Variants in MFSD8 observed in about 807,000 individuals in gnomAD.
MFSD8 encodes the protein major facilitator superfamily domain-containing protein 8.
A neutral mutation model predicts 66.4 loss-of-function variants in MFSD8; 55 were observed. The ratio of observed to expected loss-of-function variants is 0.83; its 90% confidence interval spans 0.67 to 1.04. The LOEUF (loss-of-function observed/expected upper bound fraction) is 1.04. MFSD8 is among the 50% of genes least tolerant of loss of function. The pLI, the probability that MFSD8 is intolerant of heterozygous loss-of-function variation, is 0.00. For missense variants in MFSD8, 550 were observed against 627.6 expected (o/e 0.88, Z 1.32); for synonymous variants, 202 against 212.8 (o/e 0.95, Z 0.44).
intron 9 of MFSD8, among the ~76,000 whole-genome samples, chr4:127,927,253 G>A (rs1285400171): frequency 2.0e-5 from 3 of 151,266 alleles, no homozygotes; most frequent in Non-Finnish European, 4.4e-5. Flanking sequence ...ATGGCTCATT[G>A]CAACCTCCAC....
chr4:127,931,192 G>A (rs1738066352), intron 8 of MFSD8, among the ~76,000 whole-genome samples: 2 of 152,060 alleles, frequency 1.3e-5, no homozygotes, highest in East Asian at 1.9e-4. Flanking sequence ...ATGCAATAAT[G>A]TTATATTAAG....
chr4:127,953,078 G>T (rs193052786), intron 2 of MFSD8, among the ~76,000 whole-genome samples: 14 of 152,122 alleles, frequency 9.2e-5, no homozygotes, highest in Non-Finnish European at 1.9e-4. Context: ...TTCTATTCAG[G>T]TATCCATACT....
At chr4:127,964,598 C>G (rs908484275) in intron 1 of MFSD8, 3 of 182,754 alleles carry the variant, frequency 1.6e-5, no homozygotes, top group Admixed American at 5.8e-5. Context: ...CGCGCAGCCC[C>G]GGTTCCCGCT....
intron 9 of MFSD8, among the ~76,000 whole-genome samples, chr4:127,923,934 T>G (rs889263867): frequency 6.6e-6 from 1 of 152,096 alleles, no homozygotes; most frequent in African/African-American, 2.4e-5. Flanking sequence ...TCAGGGATAT[T>G]GGCCTTAAAT....
downstream of MFSD8, chr4:127,917,784 A>G (rs1408061838): frequency 1.3e-5 from 2 of 152,214 alleles, no homozygotes; most frequent in African/African-American, 2.4e-5. Context: ...AGACGACTGA[A>G]TAAAGTTTTA....
At chr4:127,956,003 C>G (rs1742796429) in intron 2 of MFSD8, among the ~76,000 whole-genome samples, 2 of 152,012 alleles carry the variant, frequency 1.3e-5, no homozygotes, top group Non-Finnish European at 2.9e-5. Flanking sequence ...CCTGTAGTCC[C>G]AGCTACTCGG....
intron 5 of MFSD8, 54 bp from the exon 6 acceptor site, chr4:127,940,051 A>C (rs1344600975): frequency 6.7e-7 from 1 of 1,483,200 alleles, no homozygotes; most frequent in East Asian, 2.3e-5. Flanking sequence ...GCATAGGATA[A>C]AAAAATGAAA....
At chr4:127,922,821 A>G (rs1051881609) in intron 9 of MFSD8, among the ~76,000 whole-genome samples, 3 of 152,180 alleles carry the variant, frequency 2.0e-5, no homozygotes, top group Non-Finnish European at 4.4e-5. Flanking sequence ...TATTCTAGCA[A>G]ATAAATAAAG....
intron 1 of MFSD8, among the ~76,000 whole-genome samples, chr4:127,959,382 C>T (rs191402944): frequency 6.6e-6 from 1 of 151,866 alleles, no homozygotes; most frequent in East Asian, 1.9e-4. Context: ...GCATATGGCT[C>T]CTGGTTTTTT....
intron 4 of MFSD8, among the ~76,000 whole-genome samples, chr4:127,942,376 T>C (rs766932219): frequency 2.0e-5 from 3 of 152,046 alleles, no homozygotes; most frequent in Non-Finnish European, 4.4e-5. Context: ...CAGTTAAAGA[T>C]ATCAATGAGT....
At chr4:127,932,919 A>C in intron 8 of MFSD8, 66 bp downstream of exon 8, 1 of 1,419,128 alleles carries the variant, frequency 7.0e-7, no homozygotes, top group South Asian at 1.2e-5. Context: ...ATGCCTAATT[A>C]ACATTGCATT....
intron 3 of MFSD8, among the ~76,000 whole-genome samples, chr4:127,948,356 G>A (rs578229814): frequency 6.6e-6 from 1 of 152,274 alleles, no homozygotes; most frequent in Non-Finnish European, 1.5e-5. Flanking sequence ...GGGGTGGGGT[G>A]AGTGGGGAGA....
intron 1 of MFSD8, among the ~76,000 whole-genome samples, chr4:127,960,199 T>C (rs1743511460): frequency 6.6e-6 from 1 of 152,120 alleles, no homozygotes; most frequent in Non-Finnish European, 1.5e-5. Flanking sequence ...ATACACAATA[T>C]AGTGGAGTGA....
intron 7 of MFSD8, among the ~76,000 whole-genome samples, chr4:127,938,281 C>T (rs550511230): frequency 6.6e-6 from 1 of 151,926 alleles, no homozygotes; most frequent in Non-Finnish European, 1.5e-5. Flanking sequence ...ACCAAATAAC[C>T]AATATGGGTA....
rs751643210 is a variant in MFSD8, at chr4:127,920,597, C to T, written c.*33G>A. ...GAGCTTTAGACCAGGAAGTGCCACA[C>T]AGCAAGTAGTTTCCATCACAGTCTT... On this transcript the variant is annotated 3_prime_UTR_variant, in exon 12 of 12. Transcript: ENST00000641686. 1 of 1,608,774 alleles carries T rather than the reference C, an allele frequency of 6.2e-7. No homozygotes were observed. The highest frequency in any genetic ancestry group is 8.5e-7 in the Non-Finnish European group (1 of 1,175,818).
chr4:127,925,366 AAT>A (rs1239823450), intron 9 of MFSD8, among the ~76,000 whole-genome samples: 4 of 152,336 alleles, frequency 2.6e-5, no homozygotes, highest in African/African-American at 9.6e-5. Flanking sequence ...TAATATCCAG[AAT>A]CTACAAGGAA....
intron 1 of MFSD8, among the ~76,000 whole-genome samples, chr4:127,962,857 C>T (rs977981459): frequency 6.6e-6 from 1 of 152,110 alleles, no homozygotes; most frequent in South Asian, 2.1e-4. Context: ...TTTAGTAAAT[C>T]GAGGACCAGA....
intron 9 of MFSD8, among the ~76,000 whole-genome samples, chr4:127,923,859 C>T (rs1296035791): frequency 6.6e-6 from 1 of 151,994 alleles, no homozygotes; most frequent in Non-Finnish European, 1.5e-5. Context: ...AGATTACAGG[C>T]GTGAGCCACC....
At chr4:127,949,921 G>T in intron 2 of MFSD8, 74 bp from the exon 3 acceptor site, 1 of 1,335,712 alleles carries the variant, frequency 7.5e-7, no homozygotes, top group Non-Finnish European at 1.0e-6. Context: ...TTTCTGAACC[G>T]TGGCATGGAT....
Sources: allele counts gnomAD v4.1 joint callset (sites outside exome capture counted in the v4.1 genomes callset), GRCh38; gene constraint gnomAD v4.1.1; transcripts MANE v1.5; gene names NCBI Gene and HGNC (gene_info 2026-07-23, HGNC 2026-07-21).